Variants in KLHL29 observed in about 807,000 individuals in gnomAD.
KLHL29 encodes the protein kelch-like protein 29.
KLHL29 carries 21 observed loss-of-function variants against 80.4 expected under a neutral mutation model. The observed-to-expected ratio is 0.26, with a 90% CI of 0.19 to 0.38. The LOEUF (loss-of-function observed/expected upper bound fraction) is 0.38. Ranked by LOEUF, KLHL29 falls within the 10% of genes least tolerant of loss-of-function variation. KLHL29 has a pLI of 1.00. For missense variants in KLHL29, 867 were observed against 1,223.9 expected, an observed-to-expected ratio of 0.71 and a Z score of 4.35; for synonymous variants, 511 against 526.8, an observed-to-expected ratio of 0.97 and a Z score of 0.41.
At chr2:23,445,173 G>T (rs1663636560) in intron 1 of KLHL29, among the ~76,000 whole-genome samples, 2 of 152,086 alleles carry the variant, frequency 1.3e-5, no homozygotes, top group African/African-American at 4.8e-5. Flanking sequence ...TTATATATGT[G>T]GTTTAAAAGT....
chr2:23,530,648 G>A (rs191444182), intron 2 of KLHL29, among the ~76,000 whole-genome samples: 10 of 152,322 alleles, frequency 6.6e-5, no homozygotes, highest in Non-Finnish European at 1.5e-5. Context: ...AATGCAGTAA[G>A]TAGCAAGTTG....
intron 5 of KLHL29, among the ~76,000 whole-genome samples, chr2:23,664,558 G>A (rs763156723): frequency 1.3e-5 from 2 of 152,216 alleles, no homozygotes; most frequent in Non-Finnish European, 2.9e-5. Context: ...TTTACCCAGG[G>A]CCAGGAGGCG....
chr2:23,524,701 CTG>C (rs1288187414), intron 2 of KLHL29, among the ~76,000 whole-genome samples: 3 of 152,232 alleles, frequency 2.0e-5, no homozygotes, highest in South Asian at 4.1e-4. Context: ...CTTTCCAGTG[CTG>C]TGCATGTGTC....
intron 2 of KLHL29, among the ~76,000 whole-genome samples, chr2:23,533,926 G>A (rs1212468260): frequency 2.1e-5 from 3 of 142,486 alleles, no homozygotes; most frequent in African/African-American, 7.6e-5. Flanking sequence ...CTTTCCTATG[G>A]TGTCTGTTGT....
At chr2:23,446,549 G>T (rs1663690461) in intron 1 of KLHL29, among the ~76,000 whole-genome samples, 1 of 152,174 alleles carries the variant, frequency 6.6e-6, no homozygotes, top group Admixed American at 6.5e-5. Flanking sequence ...GCTCTTGCTG[G>T]ACTGTCAGGG....
At chr2:23,401,157 T>G (rs1200922628) in intron 1 of KLHL29, among the ~76,000 whole-genome samples, 1 of 151,970 alleles carries the variant, frequency 6.6e-6, no homozygotes, top group Non-Finnish European at 1.5e-5. Context: ...AAGTTGAGAG[T>G]GTGTGGGTGA....
chr2:23,430,422 G>A (rs1447259290), intron 1 of KLHL29, among the ~76,000 whole-genome samples: 1 of 152,222 alleles, frequency 6.6e-6, no homozygotes, highest in Non-Finnish European at 1.5e-5. Flanking sequence ...GACTACATGA[G>A]ATGACGCATG....
intron 2 of KLHL29, among the ~76,000 whole-genome samples, chr2:23,477,177 T>A (rs1035861913): frequency 2.0e-5 from 3 of 152,238 alleles, no homozygotes; most frequent in Non-Finnish European, 4.4e-5. Context: ...ACTGCTGTAT[T>A]CTCAGCCGCC....
chr2:23,631,378 T>C (rs1374712204), intron 3 of KLHL29, among the ~76,000 whole-genome samples: 1 of 152,264 alleles, frequency 6.6e-6, no homozygotes, highest in African/African-American at 2.4e-5. Context: ...CCGAAAGCAG[T>C]AATTTAGCAG....
At chr2:23,414,323 C>A (rs1666935590) in intron 1 of KLHL29, among the ~76,000 whole-genome samples, 1 of 147,984 alleles carries the variant, frequency 6.8e-6, no homozygotes, top group African/African-American at 2.5e-5. Flanking sequence ...GCACTAGGGG[C>A]TGTGGGGGCC....
At chr2:23,610,710 A>G (rs972767889) in intron 3 of KLHL29, among the ~76,000 whole-genome samples, 1 of 152,252 alleles carries the variant, frequency 6.6e-6, no homozygotes. Flanking sequence ...CTGAAATGCT[A>G]TGCAGAAAGC....
chr2:23,429,185 T>G (rs1663096934), intron 1 of KLHL29, among the ~76,000 whole-genome samples: 1 of 152,242 alleles, frequency 6.6e-6, no homozygotes, highest in Admixed American at 6.5e-5. Context: ...CATGCTCAGC[T>G]GGGCCCTGCT....
At chr2:23,437,107 G>A (rs1663366776) in intron 1 of KLHL29, among the ~76,000 whole-genome samples, 2 of 152,330 alleles carry the variant, frequency 1.3e-5, no homozygotes, top group South Asian at 4.1e-4. Flanking sequence ...TGAAAGCCCG[G>A]GTTCAGCGGA....
At chr2:23,483,347 A>T (rs144332394) in intron 2 of KLHL29, among the ~76,000 whole-genome samples, 3 of 152,254 alleles carry the variant, frequency 2.0e-5, no homozygotes, top group Non-Finnish European at 4.4e-5. Flanking sequence ...AAGCCTGAAG[A>T]TATAAAAAGA....
Position 23,457,684 on chromosome 2 carries a change from C to G in KLHL29, c.-153-17876C>G, listed in dbSNP as rs768329959. ...TCCCTGCAGTCAGATGAAAGGTCCC[C>G]TCCTTGCCTGGCAAGACCTATTATC... On this transcript the variant is annotated intron_variant, in intron 1 of 13. Coordinates refer to ENST00000486442, the MANE Select transcript of KLHL29 (RefSeq NM_052920.2). The surrounding 1 kb of genome is among the most constrained non-coding windows in gnomAD (Gnocchi z 4.3). Among the ~76,000 whole-genome samples, 7 of 152,168 alleles carry G rather than the reference C, an allele frequency of 4.6e-5. No individual in the cohort carries two copies. Among genetic ancestry groups the G allele is most frequent in the Non-Finnish European group, 1.0e-4 (7 of 68,038 alleles).
At chr2:23,589,405 C>T (rs902503243) in intron 3 of KLHL29, among the ~76,000 whole-genome samples, 5 of 152,238 alleles carry the variant, frequency 3.3e-5, no homozygotes, top group Non-Finnish European at 7.3e-5. Flanking sequence ...CAGGTGGAGG[C>T]GGCCCTGGGC....
chr2:23,514,054 A>C (rs1340387233), intron 2 of KLHL29, among the ~76,000 whole-genome samples: 1 of 152,160 alleles, frequency 6.6e-6, no homozygotes, highest in East Asian at 1.9e-4. Context: ...GTGGTATCTG[A>C]TTGCTGTTAG....
chr2:23,578,457 T>G (rs1164038923), intron 3 of KLHL29, among the ~76,000 whole-genome samples: 3 of 152,194 alleles, frequency 2.0e-5, no homozygotes, highest in Non-Finnish European at 4.4e-5. Context: ...GTGGGGAAAA[T>G]TAAATGAATT....
At chr2:23,453,932 T>C (rs924185695) in intron 1 of KLHL29, among the ~76,000 whole-genome samples, 57 of 152,152 alleles carry the variant, frequency 3.7e-4, no homozygotes, top group Admixed American at 3.5e-3. Context: ...TTGAGGAGAC[T>C]TTCTGTGTCC....
Sources: allele counts gnomAD v4.1 joint callset (sites outside exome capture counted in the v4.1 genomes callset), GRCh38; gene constraint gnomAD v4.1.1; non-coding constraint Gnocchi (gnomAD v3.1); transcripts MANE v1.5; gene names NCBI Gene and HGNC (gene_info 2026-07-23, HGNC 2026-07-21).